EPHA6: variants seen among roughly 807,000 people sequenced by gnomAD.
The protein encoded by EPHA6 is EPH receptor A6.
A neutral mutation model predicts 112.0 loss-of-function variants in EPHA6; 50 were observed. That is an observed-to-expected ratio of 0.45 (90% CI 0.36 to 0.56). The LOEUF is 0.56. Ranked by LOEUF, EPHA6 falls within the 20% of genes least tolerant of loss-of-function variation. The pLI, the probability that EPHA6 is intolerant of heterozygous loss-of-function variation, is 0.00. For synonymous variants in EPHA6, 529 were observed against 490.7 expected, an observed-to-expected ratio of 1.08 and a Z score of -1.03; for missense variants, 1,280 against 1,417.4, an observed-to-expected ratio of 0.90 and a Z score of 1.56.
chr3:96,947,704 G>C (rs1028336236), intron 2 of EPHA6, among the ~76,000 whole-genome samples: 2 of 152,102 alleles, frequency 1.3e-5, no homozygotes, highest in South Asian at 4.1e-4. Context: ...ATGTGAAGGA[G>C]CTCTTCAAGG....
At chr3:97,012,531 T>G (rs947253833) in intron 3 of EPHA6, among the ~76,000 whole-genome samples, 3 of 148,140 alleles carry the variant, frequency 2.0e-5, no homozygotes, top group African/African-American at 7.4e-5. Flanking sequence ...TTCATATATA[T>G]TTTTATATAT....
At chr3:97,449,747 C>G (rs949458435) in intron 7 of EPHA6, among the ~76,000 whole-genome samples, 3 of 152,028 alleles carry the variant, frequency 2.0e-5, no homozygotes, top group Admixed American at 6.6e-5. Flanking sequence ...ATTGAAAGGC[C>G]TATGCTGTTA....
At chr3:97,026,886 T>C (rs2612282) in intron 3 of EPHA6, among the ~76,000 whole-genome samples, 7,314 of 152,260 alleles carry the variant, frequency 0.048, 214 homozygotes, top group Middle Eastern at 0.11. Context: ...GTGGTGATTC[T>C]TCAAAGACCT....
intron 5 of EPHA6, among the ~76,000 whole-genome samples, chr3:97,369,871 G>A (rs1037907184): frequency 3.9e-5 from 6 of 152,034 alleles, no homozygotes; most frequent in African/African-American, 1.2e-4. Context: ...ATATATAACA[G>A]CAATCTACCA....
Position 97,751,137 on chromosome 3 carries a change from G to A in EPHA6, c.*2436G>A, listed in dbSNP as rs1478099754. Reference sequence around the variant, plus strand: ...GGAAAATAAGGAATAGAATAATATGGTCTTCCACAGGACTCTGTCGGCACC... The same window carrying A: ...GGAAAATAAGGAATAGAATAATATGATCTTCCACAGGACTCTGTCGGCACC... On this transcript the variant is annotated 3_prime_UTR_variant, in exon 18 of 18. Transcript: ENST00000389672. Among the ~76,000 whole-genome samples, 4 of 151,832 alleles carry A rather than the reference G, an allele frequency of 2.6e-5. No individual in the cohort carries two copies.
chr3:97,744,667 C>T (rs2035638601), intron 16 of EPHA6, among the ~76,000 whole-genome samples: 2 of 151,856 alleles, frequency 1.3e-5, no homozygotes, highest in South Asian at 4.2e-4. Context: ...CTATTTAAGT[C>T]ATTTAACATA....
At chr3:97,632,920 T>C (rs1189059103) in intron 13 of EPHA6, among the ~76,000 whole-genome samples, 1 of 152,088 alleles carries the variant, frequency 6.6e-6, no homozygotes, top group Non-Finnish European at 1.5e-5. Flanking sequence ...AGTAATGTGT[T>C]GGCTTCAGGA....
chr3:97,069,242 A>G (rs1184418555), intron 3 of EPHA6, among the ~76,000 whole-genome samples: 1 of 152,186 alleles, frequency 6.6e-6, no homozygotes, highest in Non-Finnish European at 1.5e-5. Context: ...TAGAGAAAAG[A>G]CAATGTTATT....
chr3:97,379,751 C>CAAAAAAAAAAAAAA lies in EPHA6; in HGVS notation c.1607-25386_1607-25373dup, dbSNP rs71623570. ...GCAAGAGGGTGAGACTCTGTCTCCCCAAAAAAAAAAAAAAAAAAAAAAAAA... is the reference window on the plus strand; with the variant it reads ...GCAAGAGGGTGAGACTCTGTCTCCCCAAAAAAAAAAAAAAAAAAAAAAAAAAAAAAAAAAAAAAA... On this transcript the variant is annotated intron_variant, in intron 5 of 17. Coordinates refer to ENST00000389672, the MANE Select transcript of EPHA6 (RefSeq NM_001080448.3). Among the ~76,000 whole-genome samples, 2 of 30,540 alleles carry CAAAAAAAAAAAAAA rather than the reference C, an allele frequency of 6.5e-5. 1 individual carries two copies. Among genetic ancestry groups the CAAAAAAAAAAAAAA allele is most frequent in the Non-Finnish European group, 2.4e-4 (2 of 8,440 alleles). 20.0% of individuals were successfully genotyped at this position (30,540 alleles called of 152,430 possible). A position where few individuals can be genotyped will look rare whatever the true frequency, so the allele number is the denominator to read the frequency against.
At chr3:97,486,829 A>G (rs1440608309) in intron 10 of EPHA6, among the ~76,000 whole-genome samples, 2 of 152,210 alleles carry the variant, frequency 1.3e-5, no homozygotes, top group African/African-American at 4.8e-5. Context: ...TGGACAAAAC[A>G]TTGCTCAAAT....
chr3:97,470,901 A>G (rs2091210840), intron 7 of EPHA6, among the ~76,000 whole-genome samples: 2 of 151,742 alleles, frequency 1.3e-5, no homozygotes, highest in Admixed American at 1.3e-4. Flanking sequence ...GTGAGTCACA[A>G]ATAAATTTTA....
chr3:97,430,354 C>T (rs2089430519), intron 6 of EPHA6, among the ~76,000 whole-genome samples: 1 of 151,866 alleles, frequency 6.6e-6, no homozygotes, highest in African/African-American at 2.4e-5. Context: ...AATTAAATAC[C>T]TAGAAGTGAT....
chr3:97,294,545 T>C (rs2080808947), intron 5 of EPHA6, among the ~76,000 whole-genome samples: 1 of 152,206 alleles, frequency 6.6e-6, no homozygotes, highest in Non-Finnish European at 1.5e-5. Flanking sequence ...AATTAGTTAC[T>C]TCTGTTATTT....
chr3:96,968,651 C>T (rs1176720398), intron 2 of EPHA6, among the ~76,000 whole-genome samples: 1 of 151,622 alleles, frequency 6.6e-6, no homozygotes, highest in Non-Finnish European at 1.5e-5. Context: ...CCCAATGTGA[C>T]CTTAAAACTC....
intron 6 of EPHA6, among the ~76,000 whole-genome samples, chr3:97,406,797 AT>A (rs1187644136): frequency 1.4e-4 from 21 of 152,286 alleles, no homozygotes; most frequent in Admixed American, 2.6e-4. Context: ...TGGAATACAG[AT>A]TCTGCAAATT....
chr3:96,899,902 C>T (rs2038510185), intron 2 of EPHA6, among the ~76,000 whole-genome samples: 1 of 152,046 alleles, frequency 6.6e-6, no homozygotes, highest in Non-Finnish European at 1.5e-5. Context: ...TGACCTCTAA[C>T]AGCCTTATAT....
intron 6 of EPHA6, among the ~76,000 whole-genome samples, chr3:97,433,875 A>G (rs1460862406): frequency 6.6e-6 from 1 of 152,126 alleles, no homozygotes; most frequent in African/African-American, 2.4e-5. Context: ...CACGGGATAC[A>G]TGAGAACAGT....
At chr3:96,962,943 C>A (rs2041997896) in intron 2 of EPHA6, among the ~76,000 whole-genome samples, 2 of 151,930 alleles carry the variant, frequency 1.3e-5, no homozygotes, top group Admixed American at 6.6e-5. Context: ...CGCTTGAGCC[C>A]AGGAGTTTGA....
intron 10 of EPHA6, among the ~76,000 whole-genome samples, chr3:97,518,679 A>G (rs958907864): frequency 4.6e-5 from 7 of 152,094 alleles, no homozygotes; most frequent in South Asian, 2.1e-4. Context: ...CCATTCTAAC[A>G]GAAGTAAGAT....
Sources: allele counts gnomAD v4.1 joint callset (sites outside exome capture counted in the v4.1 genomes callset), GRCh38; gene constraint gnomAD v4.1.1; transcripts MANE v1.5; gene names NCBI Gene and HGNC (gene_info 2026-07-23, HGNC 2026-07-21).